The following THSD7B variants were observed in gnomAD, a reference collection of about 807,000 sequenced individuals.
THSD7B encodes thrombospondin type 1 domain containing 7B.
In THSD7B, 138 loss-of-function variants were observed where a neutral mutation model predicts 213.6. That is an observed-to-expected ratio of 0.65 (90% confidence interval 0.56 to 0.74). The LOEUF (loss-of-function observed/expected upper bound fraction) is 0.74. Ranked by LOEUF, THSD7B falls within the 30% of genes least tolerant of loss-of-function variation. THSD7B has a pLI of 0.00. For synonymous variants in THSD7B, 742 were observed against 687.0 expected (o/e 1.08, Z -1.25); for missense variants, 1,931 against 1,991.5 (o/e 0.97, Z 0.58).
At chr2:137,267,308 C>A (rs2105089233) in intron 10 of THSD7B, among the ~76,000 whole-genome samples, 1 of 152,216 alleles carries the variant, frequency 6.6e-6, no homozygotes, top group African/African-American at 2.4e-5. Context: ...TTGATGTTGG[C>A]AAACAGGCAC....
At chr2:137,344,731 G>A (rs1178814374) in intron 12 of THSD7B, among the ~76,000 whole-genome samples, 1 of 151,620 alleles carries the variant, frequency 6.6e-6, no homozygotes, top group Non-Finnish European at 1.5e-5. Context: ...CCTGGAAGGG[G>A]TGGATATAAG....
chr2:136,842,049 CTT>C (rs1247922325), intron 1 of THSD7B, among the ~76,000 whole-genome samples: 1 of 152,190 alleles, frequency 6.6e-6, no homozygotes, highest in Admixed American at 6.5e-5. Context: ...TGATAGCAAA[CTT>C]TGTCTCCATG....
chr2:137,280,177 AT>A, intron 12 of THSD7B, among the ~76,000 whole-genome samples: 1 of 152,138 alleles, frequency 6.6e-6, no homozygotes, highest in South Asian at 2.1e-4. Context: ...CCAACCTTAT[AT>A]TTTTTCCTTC....
intron 15 of THSD7B, among the ~76,000 whole-genome samples, chr2:137,492,175 T>A (rs1679426002): frequency 6.6e-6 from 1 of 152,184 alleles, no homozygotes; most frequent in African/African-American, 2.4e-5. Context: ...GAAACTCCAT[T>A]TGCCTACTTT....
intron 12 of THSD7B, among the ~76,000 whole-genome samples, chr2:137,388,067 T>C (rs2104973732): frequency 6.6e-6 from 1 of 152,352 alleles, no homozygotes; most frequent in East Asian, 1.9e-4. Flanking sequence ...GTAATACTTT[T>C]AGGGCTCAAG....
At chr2:136,889,009 G>C (rs569885562) in intron 2 of THSD7B, among the ~76,000 whole-genome samples, 32 of 151,806 alleles carry the variant, frequency 2.1e-4, no homozygotes, top group Non-Finnish European at 3.8e-4. Context: ...GTTGAGAAGA[G>C]ATGAAAGAGA....
intron 12 of THSD7B, among the ~76,000 whole-genome samples, chr2:137,366,649 C>T (rs1417322238): frequency 2.0e-5 from 3 of 151,290 alleles, no homozygotes; most frequent in Non-Finnish European, 4.4e-5. Context: ...AGAAGAAAAA[C>T]TAGTCCACTG....
chr2:136,883,254 C>T (rs1683655382), intron 2 of THSD7B, among the ~76,000 whole-genome samples: 1 of 151,438 alleles, frequency 6.6e-6, no homozygotes, highest in Admixed American at 6.6e-5. Context: ...TATTGTGTCA[C>T]CATGGAAATA....
intron 1 of THSD7B, among the ~76,000 whole-genome samples, chr2:136,823,343 G>T (rs1328083154): frequency 6.6e-6 from 1 of 152,192 alleles, no homozygotes; most frequent in African/African-American, 2.4e-5. Flanking sequence ...CTCAATGTCA[G>T]TTTCATTTTG....
Position 136,922,729 on chromosome 2 carries a change from A to G in THSD7B, c.139+40412A>G, listed in dbSNP as rs1157576969. On this transcript the variant is annotated intron_variant, in intron 2 of 27. Coordinates refer to ENST00000409968, the MANE Select transcript of THSD7B (RefSeq NM_001316349.2). The stretch of plus-strand genomic sequence containing the variant: ...AAATAAAACCCCATAAAATAAAATA[A>G]AAACCTCTTTTCCATGACTAATCTC... Among the ~76,000 whole-genome samples the G allele has an allele frequency of 3.3e-5, 5 of 152,230 alleles. No individual in the cohort carries two copies. In the East Asian group the frequency reaches 5.8e-4, roughly 18 times the overall value.
intron 2 of THSD7B, among the ~76,000 whole-genome samples, chr2:136,966,886 T>C (rs1685323875): frequency 6.6e-6 from 1 of 152,188 alleles, no homozygotes; most frequent in South Asian, 2.1e-4. Flanking sequence ...GAAATGACTT[T>C]CTTTCACGTA....
chr2:137,372,515 T>C (rs1219605585), intron 12 of THSD7B, among the ~76,000 whole-genome samples: 1 of 151,596 alleles, frequency 6.6e-6, no homozygotes, highest in African/African-American at 2.4e-5. Context: ...TCAATACATA[T>C]AAGGTATACA....
chr2:136,797,212 C>G (rs889317427), intron 1 of THSD7B, among the ~76,000 whole-genome samples: 2 of 151,898 alleles, frequency 1.3e-5, no homozygotes, highest in African/African-American at 4.8e-5. Context: ...GAGAAATTAT[C>G]ATAATTATTC....
chr2:137,573,063 T>TAAAA (rs201536777), intron 17 of THSD7B, among the ~76,000 whole-genome samples: 1 of 142,334 alleles, frequency 7.0e-6, no homozygotes, highest in African/African-American at 2.6e-5. Context: ...AAAAATACCT[T>TAAAA]AAAAAAAAAA....
At chr2:136,921,207 CATCTGGACACTCAAAAAAAAAA>C in intron 2 of THSD7B, among the ~76,000 whole-genome samples, 1 of 135,462 alleles carries the variant, frequency 7.4e-6, no homozygotes, top group African/African-American at 2.8e-5. Flanking sequence ...TCACTGCCAT[CATCTGGACACTCAAAAAAAAAA>C]AAAAAAAAAC....
intron 12 of THSD7B, among the ~76,000 whole-genome samples, chr2:137,396,021 AT>A (rs200056383): frequency 0.013 from 2,007 of 152,172 alleles, 37 homozygotes; most frequent in African/African-American, 0.045. Context: ...CCCCTTTATC[AT>A]TTTTTATTGT....
At chr2:137,007,840 C>A (rs1309249000) in intron 2 of THSD7B, among the ~76,000 whole-genome samples, 1 of 152,114 alleles carries the variant, frequency 6.6e-6, no homozygotes, top group East Asian at 1.9e-4. Flanking sequence ...CTATGAGTCA[C>A]CTAAATACCA....
chr2:137,163,849 T>C (rs1012411990), intron 6 of THSD7B, among the ~76,000 whole-genome samples: 2 of 152,218 alleles, frequency 1.3e-5, no homozygotes, highest in African/African-American at 4.8e-5. Context: ...TTGTCTAAAG[T>C]CCCATGGTAA....
chr2:137,362,123 C>T (rs1685278462), intron 12 of THSD7B, among the ~76,000 whole-genome samples: 1 of 152,098 alleles, frequency 6.6e-6, no homozygotes, highest in Non-Finnish European at 1.5e-5. Flanking sequence ...ATTTCATATC[C>T]AGCCAAACTA....
Sources: allele counts gnomAD v4.1 joint callset (sites outside exome capture counted in the v4.1 genomes callset), GRCh38; gene constraint gnomAD v4.1.1; transcripts MANE v1.5; gene names NCBI Gene and HGNC (gene_info 2026-07-23, HGNC 2026-07-21).